The following PRKG1 variants were observed in gnomAD, a reference collection of about 807,000 sequenced individuals.
The protein encoded by PRKG1 is cGMP-dependent protein kinase 1.
Under a neutral mutation model 88.1 loss-of-function variants are expected in PRKG1, and 35 were observed. The ratio of observed to expected loss-of-function variants is 0.40; its 90% CI spans 0.30 to 0.53. The LOEUF (loss-of-function observed/expected upper bound fraction) is 0.53. PRKG1 is among the 20% of genes least tolerant of loss of function. PRKG1 has a pLI of 0.59. For synonymous variants in PRKG1, 303 were observed against 292.5 expected (o/e 1.04, Z -0.37); for missense variants, 540 against 839.8 (o/e 0.64, Z 4.41).
At chr10:51,613,389 G>C (rs1427147640) in intron 3 of PRKG1, among the ~76,000 whole-genome samples, 1 of 151,592 alleles carries the variant, frequency 6.6e-6, no homozygotes, top group Non-Finnish European at 1.5e-5. Context: ...TTCTGATTTT[G>C]TTTATATGGG....
intron 5 of PRKG1, among the ~76,000 whole-genome samples, chr10:51,948,616 T>TA (rs1238392358): frequency 7.9e-5 from 12 of 152,086 alleles, no homozygotes; most frequent in Non-Finnish European, 1.6e-4. Flanking sequence ...TTGTTATATT[T>TA]AAATTCAGTC....
intron 2 of PRKG1, among the ~76,000 whole-genome samples, chr10:51,160,334 T>G (rs7907338): frequency 3.9e-5 from 6 of 152,140 alleles, no homozygotes; most frequent in African/African-American, 1.2e-4. Flanking sequence ...CTGCTATTGA[T>G]GGTATCCTGA....
chr10:51,166,418 T>A (rs1351595737), intron 2 of PRKG1, among the ~76,000 whole-genome samples: 1 of 152,194 alleles, frequency 6.6e-6, no homozygotes, highest in East Asian at 1.9e-4. Flanking sequence ...ATGTAAAGAA[T>A]GTTATCAATG....
At chr10:52,059,670 G>A (rs1846190333) in intron 6 of PRKG1, among the ~76,000 whole-genome samples, 3 of 151,936 alleles carry the variant, frequency 2.0e-5, no homozygotes, top group South Asian at 4.1e-4. Flanking sequence ...AGTTTCTGGA[G>A]GTGATGAAAT....
At chr10:51,754,787 G>T (rs1837814629) in intron 3 of PRKG1, among the ~76,000 whole-genome samples, 1 of 152,116 alleles carries the variant, frequency 6.6e-6, no homozygotes, top group Non-Finnish European at 1.5e-5. Context: ...ATGAATTTCA[G>T]ATAAACTATT....
At position 51,258,135 on chromosome 10, in the gene PRKG1, G is replaced by A. The variant is rs56307166; in HGVS notation, c.478+104805G>A. ...GCTAATCGGGTCCATTTCTTGATATGTGACTTCTGTGTAAGGCTTCTCCAG... is the reference window on the plus strand; with the variant it reads ...GCTAATCGGGTCCATTTCTTGATATATGACTTCTGTGTAAGGCTTCTCCAG... On this transcript the variant is annotated intron_variant, in intron 2 of 17. Transcript: ENST00000373980. Among the ~76,000 whole-genome samples, 505 of 152,232 alleles carry A rather than the reference G, an allele frequency of 3.3e-3. 5 individuals carry two copies. The highest frequency in any genetic ancestry group is 0.01 in the African/African-American group (434 of 41,540).
intron 2 of PRKG1, among the ~76,000 whole-genome samples, chr10:51,326,108 G>T (rs1455807380): frequency 1.3e-5 from 2 of 152,128 alleles, no homozygotes; most frequent in Non-Finnish European, 2.9e-5. Context: ...CCTTTGGATT[G>T]CCTAATAACA....
intron 3 of PRKG1, among the ~76,000 whole-genome samples, chr10:51,749,578 T>C (rs1389595625): frequency 6.6e-6 from 1 of 152,158 alleles, no homozygotes; most frequent in Non-Finnish European, 1.5e-5. Context: ...GTAGTCACAT[T>C]TGGGGGTTAG....
chr10:51,674,540 T>C (rs1840663081), intron 3 of PRKG1, among the ~76,000 whole-genome samples: 1 of 152,226 alleles, frequency 6.6e-6, no homozygotes, highest in Non-Finnish European at 1.5e-5. Context: ...AAACAAGAAA[T>C]TTGGCAGATT....
At chr10:51,972,212 G>T (rs2454569) in intron 5 of PRKG1, among the ~76,000 whole-genome samples, 11,264 of 151,928 alleles carry the variant, frequency 0.074, 573 homozygotes, top group Non-Finnish European at 0.1. Context: ...TACTTTGTGT[G>T]TATATATATA....
chr10:51,642,534 T>G (rs1265994562), intron 3 of PRKG1, among the ~76,000 whole-genome samples: 3 of 152,214 alleles, frequency 2.0e-5, no homozygotes, highest in Non-Finnish European at 4.4e-5. Context: ...AGTCTGCATT[T>G]CTGCTAGATA....
intron 1 of PRKG1, among the ~76,000 whole-genome samples, chr10:51,127,735 A>G (rs1289181414): frequency 6.6e-6 from 1 of 152,246 alleles, no homozygotes. Context: ...TAGACTGGAT[A>G]AAGAAAATGT....
intron 8 of PRKG1, among the ~76,000 whole-genome samples, chr10:52,147,953 T>C (rs1837778616): frequency 6.6e-6 from 1 of 152,022 alleles, no homozygotes; most frequent in Non-Finnish European, 1.5e-5. Flanking sequence ...ATGATGACAA[T>C]ATGTATCCGG....
intron 2 of PRKG1, among the ~76,000 whole-genome samples, chr10:51,172,243 A>G (rs1299024413): frequency 6.6e-6 from 1 of 152,080 alleles, no homozygotes; most frequent in African/African-American, 2.4e-5. Context: ...TTTAAGCTGA[A>G]TGCTGCTGCT....
At chr10:51,704,940 G>C (rs774687448) in intron 3 of PRKG1, among the ~76,000 whole-genome samples, 7 of 152,118 alleles carry the variant, frequency 4.6e-5, no homozygotes, top group Non-Finnish European at 8.8e-5. Flanking sequence ...TACCTAGGCT[G>C]TTCTTTTTTA....
At chr10:51,907,388 TTG>T in intron 4 of PRKG1, 117 bp from the exon 5 acceptor site, 8 of 785,458 alleles carry the variant, frequency 1.0e-5, no homozygotes, top group Admixed American at 3.2e-5. Flanking sequence ...TTTTTTTTTT[TTG>T]GCAGATTCCT....
At chr10:51,035,952 T>C (rs1843348499) in intron 1 of PRKG1, among the ~76,000 whole-genome samples, 1 of 152,186 alleles carries the variant, frequency 6.6e-6, no homozygotes, top group Admixed American at 6.5e-5. Context: ...TTTAATTCAA[T>C]AATATTTAAC....
chr10:51,225,965 A>G (rs555662449), intron 2 of PRKG1, among the ~76,000 whole-genome samples: 1 of 152,244 alleles, frequency 6.6e-6, no homozygotes, highest in South Asian at 2.1e-4. Context: ...GCACTTTGGG[A>G]GGCCAAGGTG....
rs59764267 is a variant in PRKG1, at chr10:51,113,728, TAAAA to T, written c.311+38845_311+38848del. On this transcript the variant is annotated intron_variant, in intron 1 of 17. Transcript: ENST00000373980. ...GTAGGAATATTTTGAGCATTCTATT[TAAAA>T]AAAAAAAAAAAAAAAAACTAAAAGA... 3.8e-4 allele frequency among the ~76,000 whole-genome samples: 35 copies of T among 92,440 alleles called. 1 individual carries two copies. The highest frequency in any genetic ancestry group is 3.4e-3 in the Admixed American group (30 of 8,752). The allele number at this position is 92,440 out of a possible 152,430, so 60.6% of individuals were successfully genotyped here.
Sources: allele counts gnomAD v4.1 joint callset (sites outside exome capture counted in the v4.1 genomes callset), GRCh38; gene constraint gnomAD v4.1.1; transcripts MANE v1.5; gene names NCBI Gene and HGNC (gene_info 2026-07-23, HGNC 2026-07-21).